Variants in GOT1L1 observed in about 807,000 individuals in gnomAD.
The protein encoded by GOT1L1 is aspartate aminotransferase, cytoplasmic 2.
A neutral mutation model predicts 43.6 loss-of-function variants in GOT1L1; 38 were observed. The observed-to-expected ratio is 0.87, with a 90% CI of 0.67 to 1.14. The LOEUF (loss-of-function observed/expected upper bound fraction) is 1.14. Among genes scored for constraint, GOT1L1 ranks in the 50% most tolerant of loss-of-function variants. The pLI, the probability that GOT1L1 is intolerant of heterozygous loss-of-function variation, is 0.00. For synonymous variants in GOT1L1, 183 were observed against 187.2 expected (o/e 0.98, Z 0.18); for missense variants, 482 against 504.0 (o/e 0.96, Z 0.42).
intron 6 of GOT1L1, 76 bp downstream of exon 6, chr8:37,936,644 T>C (rs1585473768): frequency 2.3e-6 from 3 of 1,327,576 alleles, no homozygotes; most frequent in Non-Finnish European, 3.2e-6. Context: ...AAGGATGAGA[T>C]ATCAAAAACA....
At chr8:37,939,303 A>G (rs1373332581) in intron 1 of GOT1L1, among the ~76,000 whole-genome samples, 1 of 150,822 alleles carries the variant, frequency 6.6e-6, no homozygotes. Flanking sequence ...AGTCCCAGCT[A>G]CTCAGGAGGC....
In GOT1L1 at chr8:37,939,896, A is replaced by C. The variant is rs1474187709; in HGVS notation, c.115+19T>G. 2 of 1,608,094 alleles carry C rather than the reference A, an allele frequency of 1.2e-6. No individual in the cohort carries two copies. Among genetic ancestry groups the C allele is most frequent in the Admixed American group, 3.4e-5 (2 of 59,214 alleles). ...TACCATCACTTAAGTCTTATACTTC[A>C]GAACTGCTAGGCATCTACCTCTATA... On this transcript the variant is annotated intron_variant, in intron 1 of 8. Coordinates refer to ENST00000307599, the MANE Select transcript of GOT1L1 (RefSeq NM_152413.3).
At chr8:37,935,542 C>G (rs565449522) in intron 7 of GOT1L1, among the ~76,000 whole-genome samples, 162 bp downstream of exon 7, 1 of 152,160 alleles carries the variant, frequency 6.6e-6, no homozygotes, top group Non-Finnish European at 1.5e-5. Context: ...GCATAGCCAC[C>G]GCCATTGGTA....
chr8:37,937,638 C>T lies in GOT1L1; in HGVS notation c.409G>A (p.Glu137Lys), dbSNP rs751947593. ...RIVYIISSQK[E>K]LHGLVFQDMG... Reference sequence around the variant, plus strand: ...TCCCCTCATCTTGGGTAAGACTAACCTTTTTGAGAAGAGATGATGTAAACT... The same window carrying T: ...TCCCCTCATCTTGGGTAAGACTAACTTTTTTGAGAAGAGATGATGTAAACT... The change falls in exon 3 of 9, where the codon GAA (glutamate) becomes AAA (lysine). Residue 137 changes from glutamate to lysine, a missense_variant and splice_region_variant. Glu to Lys is a moderately conservative substitution (Grantham distance 56). Coordinates refer to ENST00000307599, the MANE Select transcript of GOT1L1 (RefSeq NM_152413.3). The T allele has an allele frequency of 1.7e-5, 27 of 1,600,064 alleles. No individual in the cohort carries two copies. In the South Asian group the frequency reaches 2.7e-4, roughly 16 times the overall value.
rs1807863892 is a variant in GOT1L1, at chr8:37,939,434, ATAT to A, written c.115+478_115+480del. ...GTCTCAAGAAAAAAAAAAAAAAAATATATATATATATATATATATATATATATA... is the reference window on the plus strand; with the variant it reads ...GTCTCAAGAAAAAAAAAAAAAAAATAATATATATATATATATATATATATA... On this transcript the variant is annotated intron_variant, in intron 1 of 8. Coordinates refer to ENST00000307599, the MANE Select transcript of GOT1L1 (RefSeq NM_152413.3). Among the ~76,000 whole-genome samples the A allele has an allele frequency of 2.3e-3, 134 of 57,896 alleles. 1 individual carries two copies. Among genetic ancestry groups the A allele is most frequent in the African/African-American group, 5.7e-3 (74 of 12,938 alleles). The allele number at this position is 57,896 out of a possible 152,430, so 38.0% of individuals were successfully genotyped here.
Position 37,936,664 on chromosome 8 carries a change from T to A in GOT1L1, c.763+56A>T, listed in dbSNP as rs1436584712. 14 of 1,493,762 alleles carry A rather than the reference T, an allele frequency of 9.4e-6. No individual in the cohort carries two copies. The East Asian group carries it at 1.4e-4, about 15-fold the overall frequency. The allele number at this position is 1,493,762 out of a possible 1,614,324, so 92.5% of individuals were successfully genotyped here. A position where few individuals can be genotyped will look rare whatever the true frequency, so the allele number is the denominator to read the frequency against. On this transcript the variant is annotated intron_variant, in intron 6 of 8. Transcript: ENST00000307599. ...TGAGATATCAAAAACATCACTGTGC[T>A]GTGAGCGCAGCACCACTTCAGCAAC...
In GOT1L1 at chr8:37,934,319, T is replaced by C; in HGVS notation, c.1240A>G (p.Lys414Glu). The C allele has an allele frequency of 6.2e-7, 1 of 1,612,156 alleles. No homozygotes were observed. The highest frequency in any genetic ancestry group is 8.5e-7 in the Non-Finnish European group (1 of 1,179,122). Residue 414 changes from lysine (K) to glutamate (E), a missense_variant, in exon 9 of 9, where the codon AAA becomes GAA. Physicochemically the swap from Lys to Glu is moderately conservative, Grantham distance 56. Coordinates refer to ENST00000307599, the MANE Select transcript of GOT1L1 (RefSeq NM_152413.3). ...TAAAGTTTTATTCCAATCAGTGTTT[T>C]TTTTTCCTTTGGAAGACACATCTCT... ...SSEMCLPKEKKTLIGIKL is the reference protein window; with the variant it reads ...SSEMCLPKEKETLIGIKL
chr8:37,938,396 C>CA (rs1807823173), intron 2 of GOT1L1, among the ~76,000 whole-genome samples: 1 of 151,964 alleles, frequency 6.6e-6, no homozygotes, highest in Admixed American at 6.6e-5. Flanking sequence ...GACTCTGTCT[C>CA]AAAAAATATA....
At chr8:37,936,425 G>C (rs926021813) in intron 6 of GOT1L1, among the ~76,000 whole-genome samples, 1 of 151,998 alleles carries the variant, frequency 6.6e-6, no homozygotes, top group East Asian at 1.9e-4. Context: ...GGATTAGGAG[G>C]TGTCAACTGG....
At chr8:37,936,909 T>A in intron 5 of GOT1L1, 39 bp from the exon 6 acceptor site, 1 of 1,611,482 alleles carries the variant, frequency 6.2e-7, no homozygotes, top group Non-Finnish European at 8.5e-7. Flanking sequence ...ATGAGACAGA[T>A]GGAGGAGAGA....
At chr8:37,937,181 GA>G in intron 4 of GOT1L1, 95 bp downstream of exon 4, 1 of 1,235,598 alleles carries the variant, frequency 8.1e-7, no homozygotes, top group Admixed American at 2.0e-5. Flanking sequence ...TTCAAACCTG[GA>G]AAAGGTCTTG....
intron 4 of GOT1L1, 71 bp downstream of exon 4, chr8:37,937,206 G>A: frequency 2.4e-6 from 3 of 1,225,374 alleles, no homozygotes; most frequent in Non-Finnish European, 2.3e-6. Flanking sequence ...GACTTAAGAG[G>A]TGTGGGGAGG....
intron 3 of GOT1L1, 64 bp from the exon 4 acceptor site, chr8:37,937,450 T>A: frequency 1.7e-6 from 2 of 1,175,936 alleles, no homozygotes; most frequent in Non-Finnish European, 2.4e-6. Context: ...ACAGAGGTAC[T>A]GGAGTGTGGG....
At chr8:37,938,074 A>G (rs942209466) in intron 2 of GOT1L1, among the ~76,000 whole-genome samples, 1 of 151,978 alleles carries the variant, frequency 6.6e-6, no homozygotes, top group African/African-American at 2.4e-5. Context: ...ATTAAAAAAT[A>G]AAAAGAAATA....
chr8:37,939,199 G>C (rs1807846266), intron 1 of GOT1L1, among the ~76,000 whole-genome samples: 1 of 151,724 alleles, frequency 6.6e-6, no homozygotes, highest in Non-Finnish European at 1.5e-5. Flanking sequence ...TGGATCACTT[G>C]AGTTCAGGAG....
chr8:37,935,627 C>T, intron 7 of GOT1L1, 77 bp downstream of exon 7: 2 of 1,343,746 alleles, frequency 1.5e-6, no homozygotes, highest in East Asian at 2.7e-5. Context: ...AAGCACCCTG[C>T]CGAATCCTGC....
rs1298555085 is a variant in GOT1L1, at chr8:37,937,315, G to A, written c.481C>T (p.Leu161=). 6.2e-7 allele frequency: 1 copy of A among 1,610,158 alleles called. No homozygotes were observed. The highest frequency in any genetic ancestry group is 1.7e-5 in the Admixed American group (1 of 59,186). Residue 161 remains leucine (L), a synonymous_variant, in exon 4 of 9, where the codon CTA becomes TTA. Coordinates refer to ENST00000307599, the MANE Select transcript of GOT1L1 (RefSeq NM_152413.3). ...AGGAGTATGTCGGGGTCCATGCATA[G>A]CTTCTTGGGGTCCCAGACAGAGTAT... ...YEYSVWDPKK[L]CMDPDILLNV...
At position 37,935,868 on chromosome 8, in the gene GOT1L1, A is replaced by C; in HGVS notation, c.765T>G (p.Asp255Glu). ...CCACCACTAGCATCCCCACTCCTTC[A>C]TCTGCAGTGTTGGGAAGACAGCCTC... is the stretch of plus-strand genomic sequence containing the variant. The part of the protein sequence containing the change: ...QSLSKNFGIY[D>E]EGVGMLVVVA... The change falls in exon 7 of 9, where the codon GAT becomes GAG. Residue 255 changes from aspartate to glutamate, a missense_variant and splice_region_variant. Asp to Glu is a conservative substitution (Grantham distance 45, BLOSUM62 2). Coordinates refer to ENST00000307599, the MANE Select transcript of GOT1L1 (RefSeq NM_152413.3). 1 of 1,612,176 alleles carries C rather than the reference A, an allele frequency of 6.2e-7. No individual in the cohort carries two copies. Among genetic ancestry groups the C allele is most frequent in the Non-Finnish European group, 8.5e-7 (1 of 1,179,144 alleles).
Position 37,935,066 on chromosome 8 carries a change from C to T in GOT1L1, c.1072+7G>A. 2 of 1,613,834 alleles carry T rather than the reference C, an allele frequency of 1.2e-6. No homozygotes were observed. Among genetic ancestry groups the T allele is most frequent in the Non-Finnish European group, 8.5e-7 (1 of 1,179,794 alleles). On this transcript the variant is annotated splice_region_variant and intron_variant, in intron 8 of 8. Transcript: ENST00000307599. ...AAAGGGGGGACACCAGCCCCCTAGA[C>T]CCTTACAGTTGAGTCCAAGATAGCC...
Sources: allele counts gnomAD v4.1 joint callset (sites outside exome capture counted in the v4.1 genomes callset), GRCh38; gene constraint gnomAD v4.1.1; transcripts MANE v1.5; gene names NCBI Gene and HGNC (gene_info 2026-07-23, HGNC 2026-07-21).